The following CPE variants were observed in gnomAD, a reference collection of about 807,000 sequenced individuals.
The protein encoded by CPE is carboxypeptidase E, also known as carbocypeptidase E.
Under a neutral mutation model 53.5 loss-of-function variants are expected in CPE, and 17 were observed. The ratio of observed to expected loss-of-function variants is 0.32; its 90% CI spans 0.22 to 0.48. The LOEUF is 0.48. CPE is among the 20% of genes least tolerant of loss of function. The pLI is 0.99. For synonymous variants in CPE, 226 were observed against 228.8 expected (o/e 0.99, Z 0.11); for missense variants, 524 against 614.7 (o/e 0.85, Z 1.56).
chr4:165,409,063 T>C (rs1375302929), intron 1 of CPE, among the ~76,000 whole-genome samples: 1 of 152,228 alleles, frequency 6.6e-6, no homozygotes, highest in Non-Finnish European at 1.5e-5. Context: ...CAAGTATGCT[T>C]AGAGCAGCTA....
rs374412386 is a variant in CPE, at chr4:165,484,728, A to C, written c.973+124A>C. ...TCCTCCATCATTAAAAAGTAGACTG[A>C]ATCTATAGTTCTTCCATTAAAGTCA... On this transcript the variant is annotated intron_variant, in intron 5 of 8. Transcript: ENST00000402744. 224 of 905,670 alleles carry C rather than the reference A, an allele frequency of 2.5e-4. 2 individuals are homozygous for C. The highest frequency in any genetic ancestry group is 1.3e-3 in the African/African-American group (76 of 59,188). 56.1% of individuals were successfully genotyped at this position (905,670 alleles called of 1,614,324 possible).
chr4:165,482,349 G>A lies in CPE; in HGVS notation c.780G>A (p.Glu260=), dbSNP rs1732429492. 3 of 1,608,212 alleles carry A rather than the reference G, an allele frequency of 1.9e-6. No homozygotes were observed. Among genetic ancestry groups the A allele is most frequent in the African/African-American group, 2.7e-5 (2 of 74,918 alleles). The part of the protein sequence containing the change: ...GDLVANYPYD[E]TRSGSAHEYS... The stretch of plus-strand genomic sequence containing the variant: ...TTGTGGCCAATTATCCATATGATGA[G>A]ACGCGGAGTGGTAGGTATTCTTTCT... The change falls in exon 4 of 9, where the codon GAG becomes GAA. Residue 260 remains glutamate, a synonymous_variant. Transcript: ENST00000402744.
At chr4:165,448,108 T>C (rs548519971) in intron 1 of CPE, among the ~76,000 whole-genome samples, 17 of 152,284 alleles carry the variant, frequency 1.1e-4, no homozygotes, top group African/African-American at 4.1e-4. Flanking sequence ...TAAAAATTAT[T>C]GTGTATTTAT....
chr4:165,446,671 G>GA lies in CPE; in HGVS notation c.308-17713dup, dbSNP rs533595371. ...CCTAGAGTTATTTTCTAATAGTTTGGAAAAAATAATAATTTTTATTGCTGG... is the reference window on the plus strand; with the variant it reads ...CCTAGAGTTATTTTCTAATAGTTTGGAAAAAAATAATAATTTTTATTGCTGG... On this transcript the variant is annotated intron_variant, in intron 1 of 8. Coordinates refer to ENST00000402744, the MANE Select transcript of CPE (RefSeq NM_001873.4). Among the ~76,000 whole-genome samples the GA allele has an allele frequency of 3.6e-3, 555 of 152,140 alleles. 4 individuals carry two copies. The highest frequency in any genetic ancestry group is 0.013 in the African/African-American group (533 of 41,502).
chr4:165,487,385 A>T (rs1217361707), intron 5 of CPE, 53 bp from the exon 6 acceptor site: 2 of 1,606,890 alleles, frequency 1.2e-6, no homozygotes, highest in Non-Finnish European at 1.7e-6. Flanking sequence ...TAGCCTGTGT[A>T]GAGTTTTAGG....
At chr4:165,402,338 A>G (rs751655665) in intron 1 of CPE, among the ~76,000 whole-genome samples, 1 of 152,202 alleles carries the variant, frequency 6.6e-6, no homozygotes, top group African/African-American at 2.4e-5. Context: ...AATTGTTGAG[A>G]TGCATACTTC....
At chr4:165,405,861 G>A (rs1042031688) in intron 1 of CPE, 27 of 741,416 alleles carry the variant, frequency 3.6e-5, no homozygotes, top group East Asian at 2.4e-4. Flanking sequence ...CAGGAGCACC[G>A]AATACTGTTT....
intron 1 of CPE, among the ~76,000 whole-genome samples, chr4:165,429,384 A>G (rs67815427): frequency 0.3 from 44,915 of 152,040 alleles, 6,715 homozygotes; most frequent in Middle Eastern, 0.39. Flanking sequence ...CTTATTGGAA[A>G]AATTCTTTGC....
chr4:165,413,236 C>G (rs980943234), intron 1 of CPE, among the ~76,000 whole-genome samples: 4 of 152,132 alleles, frequency 2.6e-5, no homozygotes, highest in Admixed American at 2.6e-4. Context: ...TGCCATGTCT[C>G]TATAGTGTGT....
intron 1 of CPE, among the ~76,000 whole-genome samples, chr4:165,442,818 G>T (rs1006179400): frequency 6.6e-6 from 1 of 152,094 alleles, no homozygotes; most frequent in Non-Finnish European, 1.5e-5. Context: ...CCTTTCATGC[G>T]TTCCTAGTTC....
Position 165,497,755 on chromosome 4 carries a change from A to C in CPE, c.*145A>C. 5.1e-6 allele frequency: 2 copies of C among 391,118 alleles called. No homozygotes were observed. The highest frequency in any genetic ancestry group is 8.9e-6 in the Non-Finnish European group (2 of 225,738). 24.2% of individuals were successfully genotyped at this position (391,118 alleles called of 1,614,324 possible). A position where few individuals can be genotyped will look rare whatever the true frequency, so the allele number is the denominator to read the frequency against. On this transcript the variant is annotated 3_prime_UTR_variant, in exon 9 of 9. Coordinates refer to ENST00000402744, the MANE Select transcript of CPE (RefSeq NM_001873.4). ...ATATTAATCAACTTTCCTTAAAATA[A>C]ATAGCCTCTTAGGTAAAAATATAAG...
intron 2 of CPE, among the ~76,000 whole-genome samples, chr4:165,465,192 G>T (rs1732075736): frequency 6.6e-6 from 1 of 151,934 alleles, no homozygotes; most frequent in Non-Finnish European, 1.5e-5. Flanking sequence ...CTATTTTATT[G>T]GACGGGGCGG....
intron 3 of CPE, among the ~76,000 whole-genome samples, chr4:165,473,940 C>T (rs1185117406): frequency 6.6e-6 from 1 of 152,252 alleles, no homozygotes; most frequent in Non-Finnish European, 1.5e-5. Flanking sequence ...GGGACTCTGT[C>T]CCAGAGCCCT....
chr4:165,398,431 T>C (rs1314327154), intron 1 of CPE, among the ~76,000 whole-genome samples: 1 of 152,328 alleles, frequency 6.6e-6, no homozygotes, highest in Non-Finnish European at 1.5e-5. Context: ...TAGGTACATA[T>C]ATACAAATGT....
intron 1 of CPE, among the ~76,000 whole-genome samples, chr4:165,406,903 A>G (rs1239898464): frequency 2.0e-5 from 3 of 152,194 alleles, no homozygotes; most frequent in Non-Finnish European, 4.4e-5. Flanking sequence ...AACTTAGCAT[A>G]ATGTTTTCAA....
Position 165,387,047 on chromosome 4 carries a change from C to T in CPE, c.307+7519C>T, listed in dbSNP as rs182758410. 5.8e-4 allele frequency among the ~76,000 whole-genome samples: 89 copies of T among 152,224 alleles called. 1 individual carries two copies. Among genetic ancestry groups the T allele is most frequent in the Admixed American group, 3.0e-3 (46 of 15,276 alleles). On this transcript the variant is annotated intron_variant, in intron 1 of 8. Coordinates refer to ENST00000402744, the MANE Select transcript of CPE (RefSeq NM_001873.4). ...TTAATTACTGGAATTGCCGTGAGTC[C>T]GTTGCTCTGTGAACGTTTCTCTTTC...
At chr4:165,392,331 TATATG>T (rs1277652560) in intron 1 of CPE, among the ~76,000 whole-genome samples, 20 of 146,646 alleles carry the variant, frequency 1.4e-4, no homozygotes, top group African/African-American at 4.7e-4. Flanking sequence ...AAATATATGA[TATATG>T]TATATGTAAT....
At chr4:165,490,564 C>T (rs1026822111) in intron 6 of CPE, among the ~76,000 whole-genome samples, 17 of 126,826 alleles carry the variant, frequency 1.3e-4, no homozygotes, top group African/African-American at 4.6e-4. Context: ...ACCCGGGAGG[C>T]GGAGCTTGCA....
Position 165,447,139 on chromosome 4 carries a change from C to T in CPE, c.308-17251C>T, listed in dbSNP as rs577616814. On this transcript the variant is annotated intron_variant, in intron 1 of 8. Transcript: ENST00000402744. ...AAAAATGGTACACCTGTATAGGGCACTTACCATGACTGTAGGACTGAAAGT... is the reference window on the plus strand; with the variant it reads ...AAAAATGGTACACCTGTATAGGGCATTTACCATGACTGTAGGACTGAAAGT... 1.7e-4 allele frequency among the ~76,000 whole-genome samples: 26 copies of T among 152,334 alleles called. 1 individual carries two copies. In the Middle Eastern group the frequency reaches 0.01, roughly 60 times the overall value.
Sources: allele counts gnomAD v4.1 joint callset (sites outside exome capture counted in the v4.1 genomes callset), GRCh38; gene constraint gnomAD v4.1.1; transcripts MANE v1.5; gene names NCBI Gene and HGNC (gene_info 2026-07-23, HGNC 2026-07-21).